The following L3MBTL4 variants were observed in gnomAD, a reference collection of about 807,000 sequenced individuals.
L3MBTL4 encodes the protein L3MBTL histone methyl-lysine binding protein 4, also known as lethal(3)malignant brain tumor-like protein 4.
A neutral mutation model predicts 84.5 loss-of-function variants in L3MBTL4; 70 were observed. The ratio of observed to expected loss-of-function variants is 0.83; its 90% CI spans 0.68 to 1.01. L3MBTL4 has a LOEUF of 1.01. Among genes scored for constraint, L3MBTL4 ranks in the 50% least tolerant of loss-of-function variants. The pLI is 0.00. For missense variants in L3MBTL4, 715 were observed against 754.8 expected (o/e 0.95, Z 0.62); for synonymous variants, 274 against 259.8 (o/e 1.05, Z -0.52).
Position 6,007,246 on chromosome 18 carries a change from G to T in L3MBTL4, c.1445-37684C>A, listed in dbSNP as rs186138133. 5.3e-5 allele frequency among the ~76,000 whole-genome samples: 8 copies of T among 151,658 alleles called. No individual in the cohort carries two copies. The East Asian group carries it at 1.5e-3, about 29-fold the overall frequency. ...GTGTCCTAAAGCATAAAGATAAAGA[G>T]CTCTTAGAAACTGCTAAGAAAAAAA... On this transcript the variant is annotated intron_variant, in intron 16 of 18. Transcript: ENST00000317931.
chr18:6,168,450 A>T (rs1370850255), intron 13 of L3MBTL4, among the ~76,000 whole-genome samples: 4 of 152,106 alleles, frequency 2.6e-5, no homozygotes, highest in East Asian at 1.9e-4. Context: ...ACAGTAACCA[A>T]AACAGCATGG....
intron 10 of L3MBTL4, among the ~76,000 whole-genome samples, chr18:6,219,140 A>T (rs2046443897): frequency 6.6e-6 from 1 of 152,122 alleles, no homozygotes; most frequent in Non-Finnish European, 1.5e-5. Context: ...AGCCTTGAGC[A>T]GCCTGCCAAG....
chr18:6,161,631 C>A (rs1046583626), intron 13 of L3MBTL4, among the ~76,000 whole-genome samples: 2 of 152,098 alleles, frequency 1.3e-5, no homozygotes, highest in African/African-American at 2.4e-5. Context: ...TATAGAGAAC[C>A]AGCAAGTTCT....
intron 10 of L3MBTL4, among the ~76,000 whole-genome samples, chr18:6,234,242 G>A (rs1490096009): frequency 6.6e-6 from 1 of 152,186 alleles, no homozygotes; most frequent in Non-Finnish European, 1.5e-5. Context: ...GTACCATTCA[G>A]GACATAGGCA....
chr18:6,395,027 C>A (rs1201562075), intron 1 of L3MBTL4: 2 of 152,120 alleles, frequency 1.3e-5, no homozygotes, highest in African/African-American at 4.8e-5. Context: ...TCCCCAATAT[C>A]TTGTTCCGTT....
intron 5 of L3MBTL4, among the ~76,000 whole-genome samples, chr18:6,248,609 C>T (rs541906954): frequency 4.2e-4 from 64 of 152,260 alleles, no homozygotes; most frequent in Middle Eastern, 3.4e-3. Context: ...TTTATGCTTC[C>T]GAAGCTTCTT....
At chr18:6,075,444 T>A (rs895246939) in intron 16 of L3MBTL4, among the ~76,000 whole-genome samples, 1 of 152,190 alleles carries the variant, frequency 6.6e-6, no homozygotes, top group Non-Finnish European at 1.5e-5. Context: ...GGGAAATGAC[T>A]TTTTAATAAA....
chr18:6,271,003 C>G (rs2048842650), intron 4 of L3MBTL4, among the ~76,000 whole-genome samples: 1 of 152,128 alleles, frequency 6.6e-6, no homozygotes, highest in African/African-American at 2.4e-5. Context: ...GTGACCTAAA[C>G]AAAGGGGGGC....
chr18:6,000,970 G>A (rs2054184857), intron 16 of L3MBTL4, among the ~76,000 whole-genome samples: 1 of 152,186 alleles, frequency 6.6e-6, no homozygotes, highest in Non-Finnish European at 1.5e-5. Flanking sequence ...GCTTCCGGAG[G>A]TCAGCTTAGA....
chr18:6,179,072 A>G (rs1262748401), intron 12 of L3MBTL4, among the ~76,000 whole-genome samples: 2 of 152,232 alleles, frequency 1.3e-5, no homozygotes, highest in African/African-American at 4.8e-5. Context: ...TATAATACCT[A>G]GGAACATTGG....
chr18:6,386,234 A>C (rs1453952728), intron 1 of L3MBTL4, among the ~76,000 whole-genome samples: 1 of 152,152 alleles, frequency 6.6e-6, no homozygotes, highest in East Asian at 1.9e-4. Flanking sequence ...GAAAGAAAAA[A>C]AATATTTGAG....
intron 12 of L3MBTL4, among the ~76,000 whole-genome samples, chr18:6,204,624 G>A (rs1235066153): frequency 6.6e-6 from 1 of 152,236 alleles, no homozygotes; most frequent in Non-Finnish European, 1.5e-5. Context: ...AGCATTTGGT[G>A]TTTGGAAATG....
At chr18:5,974,906 A>T (rs545695401) in intron 16 of L3MBTL4, among the ~76,000 whole-genome samples, 1 of 151,466 alleles carries the variant, frequency 6.6e-6, no homozygotes, top group Non-Finnish European at 1.5e-5. Context: ...CAAAGCTGCA[A>T]TGAGTTATGA....
chr18:6,206,706 A>C (rs2045891027), intron 12 of L3MBTL4, among the ~76,000 whole-genome samples: 3 of 152,218 alleles, frequency 2.0e-5, no homozygotes, highest in Admixed American at 2.0e-4. Flanking sequence ...TTCACACTGA[A>C]AACCAAATAA....
intron 1 of L3MBTL4, among the ~76,000 whole-genome samples, chr18:6,388,444 C>G (rs2054912812): frequency 6.6e-6 from 1 of 152,168 alleles, no homozygotes. Context: ...GGTACATCAT[C>G]ACACCATAAA....
At chr18:6,350,290 A>C in intron 1 of L3MBTL4, among the ~76,000 whole-genome samples, 1 of 152,216 alleles carries the variant, frequency 6.6e-6, no homozygotes, top group Non-Finnish European at 1.5e-5. Flanking sequence ...ATAAGAGAAC[A>C]ATACCAAGAG....
At chr18:6,128,087 C>A (rs1568167138) in intron 14 of L3MBTL4, among the ~76,000 whole-genome samples, 1 of 149,196 alleles carries the variant, frequency 6.7e-6, no homozygotes, top group South Asian at 2.1e-4. Context: ...CAAACATTAT[C>A]AGAGAGGTAA....
chr18:6,392,848 A>T (rs1206740152), intron 1 of L3MBTL4, among the ~76,000 whole-genome samples: 1 of 152,240 alleles, frequency 6.6e-6, no homozygotes, highest in Non-Finnish European at 1.5e-5. Flanking sequence ...ATATCTTCTC[A>T]TTTATAAGTG....
intron 10 of L3MBTL4, among the ~76,000 whole-genome samples, chr18:6,228,534 C>T (rs1301858387): frequency 6.6e-6 from 1 of 151,826 alleles, no homozygotes; most frequent in Non-Finnish European, 1.5e-5. Context: ...TAAGAACTCT[C>T]AAAACTCAAT....
Sources: gnomAD v4.1 joint callset for allele counts (sites outside exome capture counted in the v4.1 genomes callset) on GRCh38, gnomAD v4.1.1 for gene constraint, MANE v1.5 for transcripts, NCBI Gene and HGNC (gene_info 2026-07-23, HGNC 2026-07-21) for gene names.